The following TBC1D4 variants were observed in gnomAD, a reference collection of about 807,000 sequenced individuals.
TBC1D4 encodes TBC1 domain family member 4, also known as TBC (Tre-2, BUB2, CDC16) domain-containing protein.
A neutral mutation model predicts 142.5 loss-of-function variants in TBC1D4; 121 were observed. The observed-to-expected ratio is 0.85, with a 90% CI of 0.73 to 0.99. The LOEUF (loss-of-function observed/expected upper bound fraction) is 0.99. Among genes scored for constraint, TBC1D4 ranks in the 50% least tolerant of loss-of-function variants. TBC1D4 has a pLI of 0.00. For synonymous variants in TBC1D4, 630 were observed against 628.2 expected, an observed-to-expected ratio of 1.00 and a Z score of -0.04; for missense variants, 1,475 against 1,606.6, an observed-to-expected ratio of 0.92 and a Z score of 1.40.
chr13:75,431,016 C>A (rs1035455642), intron 1 of TBC1D4, among the ~76,000 whole-genome samples: 1 of 152,132 alleles, frequency 6.6e-6, no homozygotes, highest in African/African-American at 2.4e-5. Flanking sequence ...GGGTGCCCAG[C>A]AAATGAACAC....
chr13:75,358,035 C>T (rs561139015), intron 3 of TBC1D4, among the ~76,000 whole-genome samples: 3 of 150,746 alleles, frequency 2.0e-5, no homozygotes, highest in South Asian at 2.1e-4. Context: ...ATGAGCATTG[C>T]GAGTTTTCTC....
At chr13:75,385,534 A>G (rs1593824783) in intron 1 of TBC1D4, among the ~76,000 whole-genome samples, 1 of 152,250 alleles carries the variant, frequency 6.6e-6, no homozygotes, top group Non-Finnish European at 1.5e-5. Flanking sequence ...GACGCTGATA[A>G]CAGCCTCTGC....
At chr13:75,315,538 A>G (rs1439660647) in intron 12 of TBC1D4, among the ~76,000 whole-genome samples, 1 of 151,884 alleles carries the variant, frequency 6.6e-6, no homozygotes, top group Non-Finnish European at 1.5e-5. Flanking sequence ...AACCCAATAA[A>G]TACAGTTGAA....
At chr13:75,399,044 T>C (rs980615662) in intron 1 of TBC1D4, among the ~76,000 whole-genome samples, 1 of 152,112 alleles carries the variant, frequency 6.6e-6, no homozygotes, top group Non-Finnish European at 1.5e-5. Flanking sequence ...TACACTAGCT[T>C]AGAATAAATG....
chr13:75,457,445 T>C (rs899124178), intron 1 of TBC1D4, among the ~76,000 whole-genome samples: 1 of 152,162 alleles, frequency 6.6e-6, no homozygotes, highest in Non-Finnish European at 1.5e-5. Context: ...AGTGTCTCCA[T>C]GTCTCCAGAT....
Position 75,369,851 on chromosome 13 carries a change from T to A in TBC1D4, c.499-7244A>T, listed in dbSNP as rs201083848. Among the ~76,000 whole-genome samples, 10 of 152,320 alleles carry A rather than the reference T, an allele frequency of 6.6e-5. No individual in the cohort carries two copies. The East Asian group carries it at 1.9e-3, about 29-fold the overall frequency. On this transcript the variant is annotated intron_variant, in intron 1 of 20. Coordinates refer to ENST00000377636, the MANE Select transcript of TBC1D4 (RefSeq NM_014832.5). ...TAAGAAGATGAAATAAGTGAGAAGC[T>A]ATGGCTAAATCAAATTGCCTGCCTT... is the stretch of plus-strand genomic sequence containing the variant.
chr13:75,428,430 G>T (rs1414334178), intron 1 of TBC1D4, among the ~76,000 whole-genome samples: 1 of 151,962 alleles, frequency 6.6e-6, no homozygotes, highest in East Asian at 1.9e-4. Context: ...AGTCATATTT[G>T]GATTAAATAC....
At chr13:75,369,899 C>T (rs1220334377) in intron 1 of TBC1D4, among the ~76,000 whole-genome samples, 1 of 151,576 alleles carries the variant, frequency 6.6e-6, no homozygotes, top group African/African-American at 2.4e-5. Context: ...ATTGAGGTGG[C>T]GAGATAGGGA....
chr13:75,430,068 T>C (rs779025780), intron 1 of TBC1D4, among the ~76,000 whole-genome samples: 42 of 152,194 alleles, frequency 2.8e-4, no homozygotes, highest in Non-Finnish European at 4.7e-4. Flanking sequence ...AGCTCTACCA[T>C]TGCACACAGA....
intron 5 of TBC1D4, among the ~76,000 whole-genome samples, chr13:75,348,954 A>AGAGAGTGTGTGT (rs969343152): frequency 7.2e-6 from 1 of 139,084 alleles, no homozygotes; most frequent in African/African-American, 2.8e-5. Flanking sequence ...AGAGAGAGAG[A>AGAGAGTGTGTGT]GTGTGTGTGT....
chr13:75,473,757 A>G (rs1394593626), intron 1 of TBC1D4, among the ~76,000 whole-genome samples: 1 of 152,246 alleles, frequency 6.6e-6, no homozygotes, highest in East Asian at 1.9e-4. Context: ...GCACAAACCT[A>G]TGGCAAGATT....
chr13:75,305,076 T>C lies in TBC1D4; in HGVS notation c.2752+1237A>G, dbSNP rs116864332. Among the ~76,000 whole-genome samples the C allele has an allele frequency of 0.011, 1,620 of 152,220 alleles. 63 individuals carry two copies. The East Asian group carries it at 0.15, about 14-fold the overall frequency. The stretch of plus-strand genomic sequence containing the variant: ...ATGGGGGCAGTTTCCCCCATACTGT[T>C]CCTGTGGTAGTGAGTAAGTCTCATG... On this transcript the variant is annotated intron_variant, in intron 15 of 20. Coordinates refer to ENST00000377636, the MANE Select transcript of TBC1D4 (RefSeq NM_014832.5).
intron 1 of TBC1D4, among the ~76,000 whole-genome samples, chr13:75,447,648 T>C (rs868710642): frequency 6.6e-6 from 1 of 152,098 alleles, no homozygotes; most frequent in Admixed American, 6.6e-5. Context: ...TGTTAGGACC[T>C]AGGCGTCACA....
chr13:75,383,302 A>C (rs1000330552), intron 1 of TBC1D4, among the ~76,000 whole-genome samples: 4 of 152,160 alleles, frequency 2.6e-5, no homozygotes, highest in African/African-American at 9.7e-5. Flanking sequence ...CAGTCTGGGC[A>C]ACAGAGTGAG....
intron 15 of TBC1D4, 27 bp from the exon 16 acceptor site, chr13:75,302,428 G>C (rs1876674935): frequency 6.2e-7 from 1 of 1,613,792 alleles, no homozygotes; most frequent in South Asian, 1.1e-5. Context: ...AAATAACCAA[G>C]GCCTTGAACT....
At chr13:75,408,710 C>T (rs1885456034) in intron 1 of TBC1D4, among the ~76,000 whole-genome samples, 1 of 152,164 alleles carries the variant, frequency 6.6e-6, no homozygotes, top group Admixed American at 6.5e-5. Context: ...GATTCCAATT[C>T]ATCCACTTTC....
intron 8 of TBC1D4, 143 bp from the exon 9 acceptor site, chr13:75,327,969 T>C (rs990786988): frequency 7.7e-6 from 6 of 781,674 alleles, no homozygotes; most frequent in Non-Finnish European, 1.3e-5. Context: ...GCTTTATTAA[T>C]AGTCATTACA....
chr13:75,349,906 T>C (rs1881463523), intron 4 of TBC1D4, among the ~76,000 whole-genome samples: 2 of 152,230 alleles, frequency 1.3e-5, no homozygotes, highest in Admixed American at 1.3e-4. Flanking sequence ...AAGAAGGTCT[T>C]ACATAGAGGC....
At chr13:75,376,884 G>T (rs1184664977) in intron 1 of TBC1D4, among the ~76,000 whole-genome samples, 2 of 151,950 alleles carry the variant, frequency 1.3e-5, no homozygotes, top group Non-Finnish European at 2.9e-5. Context: ...TACAAATATA[G>T]ATCAATGCAT....
Sources: gnomAD v4.1 joint callset for allele counts (sites outside exome capture counted in the v4.1 genomes callset) on GRCh38, gnomAD v4.1.1 for gene constraint, MANE v1.5 for transcripts, NCBI Gene and HGNC (gene_info 2026-07-23, HGNC 2026-07-21) for gene names.